Variants in PTPN14 observed in about 807,000 individuals in gnomAD.
PTPN14 encodes the protein tyrosine-protein phosphatase non-receptor type 14.
PTPN14 carries 53 observed loss-of-function variants against 126.8 expected under a neutral mutation model. That is an observed-to-expected ratio of 0.42 (90% CI 0.34 to 0.53). PTPN14 has a LOEUF of 0.53. Among genes scored for constraint, PTPN14 ranks in the 20% least tolerant of loss-of-function variants. The probability of loss-of-function intolerance (pLI) is 0.08; values close to 1 mark genes in which losing one functional copy is unlikely to be tolerated. For missense variants in PTPN14, 1,257 were observed against 1,552.9 expected (o/e 0.81, Z 3.20); for synonymous variants, 630 against 599.3 (o/e 1.05, Z -0.75).
At chr1:214,417,716 C>T (rs1659456838) in intron 3 of PTPN14, among the ~76,000 whole-genome samples, 1 of 152,116 alleles carries the variant, frequency 6.6e-6, no homozygotes, top group Non-Finnish European at 1.5e-5. Flanking sequence ...GTGAGCAGGT[C>T]CGTGTGGTGT....
Position 214,424,040 on chromosome 1 carries a change from G to A in PTPN14, c.345-9314C>T, listed in dbSNP as rs1659604444. Among the ~76,000 whole-genome samples the A allele has an allele frequency of 5.3e-5, 8 of 152,054 alleles. No homozygotes were observed. The South Asian group carries it at 1.7e-3, about 32-fold the overall frequency. Reference sequence around the variant, plus strand: ...TGGCCGGGCACGGTGGCTCATGCCTGTAATCCCAGCACTTTGGGAGCCTGA... The same window carrying A: ...TGGCCGGGCACGGTGGCTCATGCCTATAATCCCAGCACTTTGGGAGCCTGA... On this transcript the variant is annotated intron_variant, in intron 3 of 18. Transcript: ENST00000366956.
chr1:214,467,134 A>G (rs1025802333), intron 1 of PTPN14, among the ~76,000 whole-genome samples: 15 of 152,166 alleles, frequency 9.9e-5, no homozygotes, highest in Admixed American at 9.2e-4. Flanking sequence ...AGCCAATCTG[A>G]TTTCTTGATA....
chr1:214,385,721 A>G (rs536965184), intron 12 of PTPN14, among the ~76,000 whole-genome samples: 1 of 152,340 alleles, frequency 6.6e-6, no homozygotes, highest in South Asian at 2.1e-4. Flanking sequence ...AAAAACAGAA[A>G]AGGTGACTGA....
chr1:214,392,214 G>C (rs1658771731), intron 10 of PTPN14, among the ~76,000 whole-genome samples: 1 of 152,128 alleles, frequency 6.6e-6, no homozygotes, highest in African/African-American at 2.4e-5. Flanking sequence ...GAGAGCGAGA[G>C]AGAGTATAAT....
chr1:214,434,991 G>C (rs1558100887), intron 3 of PTPN14, among the ~76,000 whole-genome samples: 1 of 152,214 alleles, frequency 6.6e-6, no homozygotes, highest in Non-Finnish European at 1.5e-5. Context: ...GCCACAAGAG[G>C]AGAATCTGTA....
chr1:214,411,590 A>C, intron 5 of PTPN14, 94 bp downstream of exon 5: 394 of 803,616 alleles, frequency 4.9e-4, no homozygotes, highest in Non-Finnish European at 6.7e-4. Context: ...TCCCCAGGGA[A>C]TATGCATATG....
chr1:214,428,101 G>A (rs935567637), intron 3 of PTPN14, among the ~76,000 whole-genome samples: 1 of 152,188 alleles, frequency 6.6e-6, no homozygotes, highest in Non-Finnish European at 1.5e-5. Flanking sequence ...GATGGTACTG[G>A]CTGCTTTGTA....
rs183742544 is a variant in PTPN14 at position 214,357,105 on chromosome 1, A to C, written c.*817T>G. The C allele has an allele frequency of 4.3e-3, 651 of 152,386 alleles. 4 individuals carry two copies. The highest frequency in any genetic ancestry group is 5.4e-3 in the Non-Finnish European group (365 of 68,118). The allele number at this position is 152,386 out of a possible 1,614,324, so 9.4% of individuals were successfully genotyped here. ...GCCACCAGACAGGGTCCTACTGAGC[A>C]AACAGGAGAGGTAGCAACAAATACC... is the stretch of plus-strand genomic sequence containing the variant. On this transcript the variant is annotated 3_prime_UTR_variant, in exon 19 of 19. Transcript: ENST00000366956.
chr1:214,383,678 A>G lies in PTPN14; in HGVS notation c.2177T>C (p.Met726Thr), dbSNP rs146577020. The change falls in exon 13 of 19, where the codon ATG becomes ACG. Residue 726 changes from methionine (M) to threonine (T), a missense_variant. Around this residue, in one of 3 missense-constraint regions of PTPN14, gnomAD observed 1,021 missense variants for 1,183.3 expected, o/e 0.86. Transcript: ENST00000366956. The surrounding 1 kb of genome is among the most constrained non-coding windows in gnomAD (Gnocchi z 4.4). ...ACTGTACTCCATCTTCTCCCGGAGC[A>G]TGGGGATCTGGGGCACCGATTCTGG... is the stretch of plus-strand genomic sequence containing the variant. ...EAPESVPQIP[M>T]LREKMEYSAQ... 1.9e-6 allele frequency: 3 copies of G among 1,613,448 alleles called. No individual in the cohort carries two copies. The highest frequency in any genetic ancestry group is 2.7e-5 in the African/African-American group (2 of 75,068).
intron 1 of PTPN14, among the ~76,000 whole-genome samples, chr1:214,549,555 G>A (rs960373132): frequency 6.6e-6 from 1 of 152,162 alleles, no homozygotes; most frequent in African/African-American, 2.4e-5. Flanking sequence ...CATTTCTATG[G>A]CACAAGCTTC....
At chr1:214,484,802 T>C (rs375670265) in intron 1 of PTPN14, among the ~76,000 whole-genome samples, 2 of 152,156 alleles carry the variant, frequency 1.3e-5, no homozygotes, top group African/African-American at 4.8e-5. Context: ...AGAAGGTCAT[T>C]AAAGGTCTCC....
chr1:214,515,366 T>C (rs1655073952), intron 1 of PTPN14, among the ~76,000 whole-genome samples: 2 of 152,200 alleles, frequency 1.3e-5, no homozygotes, highest in Non-Finnish European at 2.9e-5. Context: ...CTTTTGTTTA[T>C]TGGAGATTTG....
At chr1:214,482,875 C>T in intron 1 of PTPN14, 1 of 1,593,092 alleles carries the variant, frequency 6.3e-7, no homozygotes, top group Non-Finnish European at 8.6e-7. Context: ...CTTGGGATCT[C>T]AGGAAGATTC....
chr1:214,435,396 T>C (rs1041784346), intron 3 of PTPN14, among the ~76,000 whole-genome samples: 1 of 152,072 alleles, frequency 6.6e-6, no homozygotes, highest in African/African-American at 2.4e-5. Context: ...ATAATTATGT[T>C]ATAATTATAC....
chr1:214,417,369 T>C (rs913972311), intron 3 of PTPN14, among the ~76,000 whole-genome samples: 1 of 152,202 alleles, frequency 6.6e-6, no homozygotes, highest in South Asian at 2.1e-4. Flanking sequence ...TATTGGGAAC[T>C]AACATGCTAT....
chr1:214,532,708 G>C (rs1379041110), intron 1 of PTPN14: 3 of 793,450 alleles, frequency 3.8e-6, no homozygotes, highest in Non-Finnish European at 6.8e-6. Flanking sequence ...TCAGGCGCCA[G>C]TCTGTGGAGA....
intron 1 of PTPN14, among the ~76,000 whole-genome samples, chr1:214,505,970 T>C (rs1176737673): frequency 6.6e-6 from 1 of 152,150 alleles, no homozygotes; most frequent in Non-Finnish European, 1.5e-5. Context: ...AGATTTACAA[T>C]GAACTCTCTC....
chr1:214,549,747 A>C (rs1197900176), intron 1 of PTPN14, among the ~76,000 whole-genome samples: 1 of 151,570 alleles, frequency 6.6e-6, no homozygotes, highest in Non-Finnish European at 1.5e-5. Flanking sequence ...TAAAATGTAG[A>C]TGATCATACA....
At chr1:214,387,992 T>A (rs766549882) in intron 11 of PTPN14, among the ~76,000 whole-genome samples, 28 of 152,288 alleles carry the variant, frequency 1.8e-4, no homozygotes, top group Non-Finnish European at 3.5e-4. Flanking sequence ...AAGGGCCCTG[T>A]CTACCCACCA....
Sources: gnomAD v4.1 joint callset for allele counts (sites outside exome capture counted in the v4.1 genomes callset) on GRCh38, gnomAD v4.1.1 for gene constraint, gnomAD v4.1.1 regional missense constraint, Gnocchi (gnomAD v3.1) non-coding constraint, MANE v1.5 for transcripts, NCBI Gene and HGNC (gene_info 2026-07-23, HGNC 2026-07-21) for gene names.